NELL2: variants seen among roughly 807,000 people sequenced by gnomAD.
NELL2 encodes neural EGFL like 2, also known as protein kinase C-binding protein NELL2.
Under a neutral mutation model 109.6 loss-of-function variants are expected in NELL2, and 41 were observed. The ratio of observed to expected loss-of-function variants is 0.37; its 90% CI spans 0.29 to 0.49. The LOEUF (loss-of-function observed/expected upper bound fraction) is 0.49, where lower values mean the gene tolerates loss of function less well. Ranked by LOEUF, NELL2 falls within the 20% of genes least tolerant of loss-of-function variation. The probability of loss-of-function intolerance (pLI) is 0.98; values close to 1 mark genes in which losing one functional copy is unlikely to be tolerated. For synonymous variants in NELL2, 355 were observed against 344.7 expected, an observed-to-expected ratio of 1.03 and a Z score of -0.33; for missense variants, 900 against 1,008.3, an observed-to-expected ratio of 0.89 and a Z score of 1.45.
intron 3 of NELL2, among the ~76,000 whole-genome samples, chr12:44,788,842 G>A (rs557216921): frequency 7.1e-4 from 108 of 152,136 alleles, no homozygotes; most frequent in South Asian, 2.5e-3. Context: ...GAGTAAGACC[G>A]CCCCTTTGAA....
At chr12:44,918,513 ATGTATGTG>A (rs1489797727), upstream of NELL2, among the ~76,000 whole-genome samples, 310 of 121,420 alleles carry the variant, frequency 2.6e-3, 1 homozygote, top group African/African-American at 8.7e-3. Flanking sequence ...TCATGCATGC[ATGTATGTG>A]TGTGTGTGTG....
intron 14 of NELL2, 133 bp from the exon 15 acceptor site, chr12:44,607,397 G>A: frequency 3.2e-6 from 2 of 626,774 alleles, no homozygotes; most frequent in Non-Finnish European, 5.2e-6. Flanking sequence ...TTGTTTTCAT[G>A]TAATATTTCC....
chr12:44,921,189 G>A (rs896443707), intron 1 of NELL2, among the ~76,000 whole-genome samples: 4 of 152,076 alleles, frequency 2.6e-5, no homozygotes, highest in Admixed American at 6.5e-5. Flanking sequence ...TCAAATGAAC[G>A]TCTTCTCATT....
chr12:44,538,406 C>T (rs556322278), intron 15 of NELL2, among the ~76,000 whole-genome samples: 1 of 152,300 alleles, frequency 6.6e-6, no homozygotes, highest in East Asian at 1.9e-4. Context: ...CATTCCATGC[C>T]CATCTCCAAA....
At chr12:44,747,180 T>C in intron 9 of NELL2, among the ~76,000 whole-genome samples, 1 of 152,132 alleles carries the variant, frequency 6.6e-6, no homozygotes, top group East Asian at 1.9e-4. Flanking sequence ...ACCATCATTC[T>C]CAGCGAACTA....
At position 44,726,147 on chromosome 12, in the gene NELL2, T is replaced by C. The variant is rs144208726; in HGVS notation, c.995-11406A>G. Among the ~76,000 whole-genome samples, 3 of 152,210 alleles carry C rather than the reference T, an allele frequency of 2.0e-5. No homozygotes were observed. In the East Asian group the frequency reaches 5.8e-4, roughly 29 times the overall value. The stretch of plus-strand genomic sequence containing the variant: ...TAATTTAAAAAAATAACAGTAGATA[T>C]ACACACATAAAACACAGTTATAAAC... On this transcript the variant is annotated intron_variant, in intron 9 of 19. Coordinates refer to ENST00000429094, the MANE Select transcript of NELL2 (RefSeq NM_001145108.2).
intron 15 of NELL2, among the ~76,000 whole-genome samples, chr12:44,573,256 G>T (rs1037534897): frequency 3.3e-5 from 5 of 152,154 alleles, no homozygotes; most frequent in African/African-American, 1.2e-4. Context: ...ACAACAAACA[G>T]TTTTGAGATA....
intron 12 of NELL2, among the ~76,000 whole-genome samples, chr12:44,696,692 A>G (rs1394078756): frequency 6.6e-6 from 1 of 152,224 alleles, no homozygotes; most frequent in Non-Finnish European, 1.5e-5. Flanking sequence ...ACACAACTCA[A>G]TAAACTCAGT....
rs754118280 is a variant in NELL2, at chr12:44,598,854, TAC to T, written c.1663+8313_1663+8314del. On this transcript the variant is annotated intron_variant, in intron 15 of 19. Coordinates refer to ENST00000429094, the MANE Select transcript of NELL2 (RefSeq NM_001145108.2). ...CCTCAGTTTAAGAGTAAGAAAGAAA[TAC>T]ACACACACACACACACACACACACA... Among the ~76,000 whole-genome samples, 288 of 118,428 alleles carry T rather than the reference TAC, an allele frequency of 2.4e-3. 1 individual carries two copies. The highest frequency in any genetic ancestry group is 8.8e-3 in the Middle Eastern group (2 of 228). 77.7% of individuals were successfully genotyped at this position (118,428 alleles called of 152,430 possible). A position where few individuals can be genotyped will look rare whatever the true frequency, so the allele number is the denominator to read the frequency against.
At chr12:44,584,801 G>A (rs1228427203) in intron 15 of NELL2, among the ~76,000 whole-genome samples, 5 of 152,162 alleles carry the variant, frequency 3.3e-5, no homozygotes, top group South Asian at 2.1e-4. Flanking sequence ...ACTGGATCAC[G>A]TTAACAAGGC....
chr12:44,607,580 T>C (rs10506251), intron 14 of NELL2, among the ~76,000 whole-genome samples: 17,313 of 151,940 alleles, frequency 0.11, 1,137 homozygotes, highest in African/African-American at 0.18. Context: ...CAATCCACCT[T>C]GAAAATAAAC....
In NELL2 at chr12:44,686,244, G is replaced by A. The variant is rs541059982; in HGVS notation, c.1318+17482C>T. ...CGTCTGCATTCTTCACGTAGTTCTC[G>A]AGCCTTGGTTTTCAGCTCCATCAGC... On this transcript the variant is annotated intron_variant, in intron 12 of 19. Transcript: ENST00000429094. 3.9e-5 allele frequency among the ~76,000 whole-genome samples: 6 copies of A among 152,140 alleles called. No individual in the cohort carries two copies. The South Asian group carries it at 6.2e-4, about 16-fold the overall frequency.
intron 12 of NELL2, among the ~76,000 whole-genome samples, chr12:44,675,664 G>T (rs1948285135): frequency 6.6e-6 from 1 of 152,088 alleles, no homozygotes; most frequent in Non-Finnish European, 1.5e-5. Flanking sequence ...AGAGAAGCCA[G>T]AAACAAATTA....
intron 9 of NELL2, among the ~76,000 whole-genome samples, chr12:44,743,989 G>A (rs1179843903): frequency 6.6e-6 from 1 of 152,032 alleles, no homozygotes; most frequent in Non-Finnish European, 1.5e-5. Context: ...CAAATCAACA[G>A]AATATACATT....
At chr12:44,780,766 G>C (rs1449311225) in intron 3 of NELL2, among the ~76,000 whole-genome samples, 1 of 152,046 alleles carries the variant, frequency 6.6e-6, no homozygotes, top group Non-Finnish European at 1.5e-5. Context: ...AGTGCCAGCA[G>C]AAACCATATA....
intron 13 of NELL2, among the ~76,000 whole-genome samples, chr12:44,612,451 T>C: frequency 6.6e-6 from 1 of 151,768 alleles, no homozygotes; most frequent in East Asian, 1.9e-4. Flanking sequence ...CCTGGCTGAA[T>C]AACCCAAAAT....
intron 13 of NELL2, among the ~76,000 whole-genome samples, chr12:44,663,616 A>G (rs1349938427): frequency 6.6e-6 from 1 of 152,212 alleles, no homozygotes; most frequent in Non-Finnish European, 1.5e-5. Context: ...TTGAAATGGT[A>G]AGGGAAAATT....
chr12:44,783,109 C>A (rs1942025426), intron 3 of NELL2, among the ~76,000 whole-genome samples: 2 of 151,636 alleles, frequency 1.3e-5, no homozygotes, highest in South Asian at 4.2e-4. Context: ...CAAATGTTTT[C>A]AAGCTAAATA....
intron 1 of NELL2, among the ~76,000 whole-genome samples, chr12:44,909,763 A>ACACACACACACG: frequency 1.3e-5 from 2 of 151,690 alleles, no homozygotes; most frequent in East Asian, 3.9e-4. Flanking sequence ...ACACACACAC[A>ACACACACACACG]CACACATATA....
Sources: allele counts gnomAD v4.1 joint callset (sites outside exome capture counted in the v4.1 genomes callset), GRCh38; gene constraint gnomAD v4.1.1; transcripts MANE v1.5; gene names NCBI Gene and HGNC (gene_info 2026-07-23, HGNC 2026-07-21).